Variants in ZNF653 observed in about 807,000 individuals in gnomAD.
ZNF653 encodes zinc finger protein 653.
ZNF653 carries 37 observed loss-of-function variants against 59.9 expected under a neutral mutation model. That is an observed-to-expected ratio of 0.62 (90% CI 0.48 to 0.81). The LOEUF is 0.81. Ranked by LOEUF, ZNF653 falls within the 40% of genes least tolerant of loss-of-function variation. ZNF653 has a pLI of 0.00. For synonymous variants in ZNF653, 435 were observed against 371.8 expected (o/e 1.17, Z -1.96); for missense variants, 808 against 881.1 (o/e 0.92, Z 1.05).
In ZNF653 at chr19:11,487,425, G is replaced by A. The variant is rs36103734; in HGVS notation, c.1038C>T (p.Pro346=). ...HLNMAAGSGV[P]GSGLGEEVPC... ...GCACCTCCTCGCCCAGTCCACTGCCGGGGACACCGCTGCCTGCTGCCATGT... is the reference window on the plus strand; with the variant it reads ...GCACCTCCTCGCCCAGTCCACTGCCAGGGACACCGCTGCCTGCTGCCATGT... The change falls in exon 4 of 9, where the codon CCC becomes CCT. Residue 346 remains proline (P), a synonymous_variant. Coordinates refer to ENST00000293771, the MANE Select transcript of ZNF653 (RefSeq NM_138783.4). This position sits in a 1 kb window ranked among gnomAD's most constrained non-coding sequence, Gnocchi z 5.1. 14,992 of 1,612,140 alleles carry A rather than the reference G, an allele frequency of 9.3e-3. 141 individuals are homozygous for A. The highest frequency in any genetic ancestry group is 0.046 in the African/African-American group (3,452 of 75,038).
intron 1 of ZNF653, among the ~76,000 whole-genome samples, chr19:11,503,101 C>T (rs1599569900): frequency 6.6e-6 from 1 of 152,058 alleles, no homozygotes; most frequent in Admixed American, 6.6e-5. Context: ...TTTCTCTGTA[C>T]AAAATCTTGC....
Position 11,487,119 on chromosome 19 carries a change from T to C in ZNF653, c.1211A>G (p.Glu404Gly), listed in dbSNP as rs758418170. 3 of 1,612,856 alleles carry C rather than the reference T, an allele frequency of 1.9e-6. No homozygotes were observed. The highest frequency in any genetic ancestry group is 2.5e-6 in the Non-Finnish European group (3 of 1,180,022). The change falls in exon 5 of 9, where the codon GAG becomes GGG. Residue 404 changes from glutamate to glycine, a missense_variant. Physicochemically the swap from Glu to Gly is moderately conservative, Grantham distance 98. Coordinates refer to ENST00000293771, the MANE Select transcript of ZNF653 (RefSeq NM_138783.4). This position sits in a 1 kb window ranked among gnomAD's most constrained non-coding sequence, Gnocchi z 5.1. ...TGCCAGCTCCGGGGCTACTGGCTCC[T>C]CCTTCTCCTCCTTCTTTAGCAAGCA... is the stretch of plus-strand genomic sequence containing the variant. The part of the protein sequence containing the change: ...DLCLLKKEEK[E>G]EPVAPELATT...
In ZNF653 at chr19:11,484,630, C is replaced by T. The variant is rs1006521411; in HGVS notation, c.1571-489G>A. On this transcript the variant is annotated intron_variant, in intron 7 of 8. Transcript: ENST00000293771. ...TTCTCTATGTTGGTCAGGCTGGTCT[C>T]GAACTCCTGACCTCAGGTGATCTGC... 1.1e-4 allele frequency among the ~76,000 whole-genome samples: 17 copies of T among 152,026 alleles called. 1 individual carries two copies. In the Middle Eastern group the frequency reaches 0.01, roughly 91 times the overall value.
At chr19:11,485,356 G>A (rs943756333) in intron 7 of ZNF653, among the ~76,000 whole-genome samples, 2 of 152,092 alleles carry the variant, frequency 1.3e-5, no homozygotes, top group Non-Finnish European at 2.9e-5. Flanking sequence ...GAGCAGTGGC[G>A]GTGTCAGCTG....
intron 6 of ZNF653, among the ~76,000 whole-genome samples, chr19:11,486,048 TCA>T (rs1456439927): frequency 6.6e-6 from 1 of 152,110 alleles, no homozygotes; most frequent in Admixed American, 6.6e-5. Context: ...CCCCCCGGGT[TCA>T]CACCATTCTC....
chr19:11,488,724 A>T (rs1487421375), intron 3 of ZNF653, among the ~76,000 whole-genome samples: 2 of 150,932 alleles, frequency 1.3e-5, no homozygotes, highest in Non-Finnish European at 2.9e-5. Context: ...CAGCCTCCCG[A>T]GTAGCTGGGA....
At chr19:11,504,161 G>A (rs939648900) in intron 1 of ZNF653, among the ~76,000 whole-genome samples, 2 of 152,150 alleles carry the variant, frequency 1.3e-5, no homozygotes, top group African/African-American at 4.8e-5. Context: ...CAGCACTTTG[G>A]GAGGCCGAGG....
At chr19:11,496,815 C>T (rs1971593675) in intron 2 of ZNF653, among the ~76,000 whole-genome samples, 1 of 152,152 alleles carries the variant, frequency 6.6e-6, no homozygotes, top group South Asian at 2.1e-4. Context: ...TGCAGTGAGC[C>T]AAGGTCGCAA....
chr19:11,504,682 C>T lies in ZNF653; in HGVS notation c.299+806G>A, dbSNP rs61743638. The T allele has an allele frequency of 6.1e-3, 3,110 of 509,574 alleles. 14 individuals are homozygous for T. The highest frequency in any genetic ancestry group is 0.011 in the Middle Eastern group (11 of 1,006). 31.6% of individuals were successfully genotyped at this position (509,574 alleles called of 1,614,324 possible). On this transcript the variant is annotated intron_variant, in intron 1 of 8. Transcript: ENST00000293771. ...CCAGGGCAGAACAAGGATTTCCTTG[C>T]GGCACTGCTTGTGATACGGAATAAA... is the stretch of plus-strand genomic sequence containing the variant.
Position 11,487,236 on chromosome 19 carries a change from C to T in ZNF653, c.1171+56G>A, listed in dbSNP as rs1315152717. ...CCCACTTCGAGGGCCATTCCTCGCCCGGCCCCTCCCAGGCCCAACCACCCC... is the reference window on the plus strand; with the variant it reads ...CCCACTTCGAGGGCCATTCCTCGCCTGGCCCCTCCCAGGCCCAACCACCCC... On this transcript the variant is annotated intron_variant, in intron 4 of 8. Transcript: ENST00000293771. The surrounding 1 kb of genome is among the most constrained non-coding windows in gnomAD (Gnocchi z 5.1). 8.1e-6 allele frequency: 13 copies of T among 1,598,294 alleles called. No homozygotes were observed. Among genetic ancestry groups the T allele is most frequent in the East Asian group, 4.5e-5 (2 of 44,698 alleles).
In ZNF653 at chr19:11,483,756, C is replaced by T; in HGVS notation, c.1774G>A (p.Gly592Arg). The T allele has an allele frequency of 1.2e-6, 2 of 1,613,642 alleles. No homozygotes were observed. Among genetic ancestry groups the T allele is most frequent in the South Asian group, 1.1e-5 (1 of 91,046 alleles). The change falls in exon 9 of 9, where the codon GGG becomes AGG. Residue 592 changes from glycine (G) to arginine (R), a missense_variant. Coordinates refer to ENST00000293771, the MANE Select transcript of ZNF653 (RefSeq NM_138783.4). Reference protein sequence around the residue: ...VQYNFTCDRCGKRFEKLDSVK... With the variant: ...VQYNFTCDRCRKRFEKLDSVK... ...CTGTCCAGCTTCTCGAAGCGCTTCC[C>T]GCAGCGATCGCACGTGAAGTTGTAC...
rs1490721516 is a variant in ZNF653 at position 11,505,823 on chromosome 19, G to C, written c.-37C>G. The C allele has an allele frequency of 3.0e-6, 4 of 1,326,216 alleles. No individual in the cohort carries two copies. The allele number at this position is 1,326,216 out of a possible 1,614,324, so 82.2% of individuals were successfully genotyped here. On this transcript the variant is annotated 5_prime_UTR_variant, in exon 1 of 9. Coordinates refer to ENST00000293771, the MANE Select transcript of ZNF653 (RefSeq NM_138783.4). ...TGGTTACCAGCCTCCCCCGTTGTTA[G>C]GAGCCAGACCGGAAGTGGCGCGCAT...
chr19:11,487,126 C>T lies in ZNF653; in HGVS notation c.1204G>A (p.Glu402Lys). The change falls in exon 5 of 9, where the codon GAG becomes AAG. Residue 402 changes from glutamate to lysine, a missense_variant. Coordinates refer to ENST00000293771, the MANE Select transcript of ZNF653 (RefSeq NM_138783.4). This position sits in a 1 kb window ranked among gnomAD's most constrained non-coding sequence, Gnocchi z 5.1. ...KEDLCLLKKE[E>K]KEEPVAPELA... ...TCCGGGGCTACTGGCTCCTCCTTCT[C>T]CTCCTTCTTTAGCAAGCACAGGTCC... 3.1e-6 allele frequency: 5 copies of T among 1,612,880 alleles called. No homozygotes were observed. The South Asian group carries it at 3.3e-5, about 11-fold the overall frequency.
rs760500544 is a variant in ZNF653 at position 11,483,694 on chromosome 19, G to C, written c.1836C>G (p.His612Gln). The C allele has an allele frequency of 6.2e-7, 1 of 1,612,870 alleles. No homozygotes were observed. The highest frequency in any genetic ancestry group is 8.5e-7 in the Non-Finnish European group (1 of 1,178,982). Residue 612 changes from histidine (H) to glutamine (Q), a missense_variant, in exon 9 of 9, where the codon CAC becomes CAG. His to Gln is a conservative substitution (Grantham distance 24, BLOSUM62 0). Coordinates refer to ENST00000293771, the MANE Select transcript of ZNF653 (RefSeq NM_138783.4). ...GTGGTCAGGTGGGTCAGGTGGGCTT[G>C]TGATCCGGGTGGCTTTTGAGCGTGT... ...KFHTLKSHPD[H>Q]KPT
At chr19:11,483,909 G>T in intron 8 of ZNF653, 50 bp from the exon 9 acceptor site, 1 of 1,516,570 alleles carries the variant, frequency 6.6e-7, no homozygotes, top group Non-Finnish European at 8.9e-7. Flanking sequence ...GGGCGGGGCG[G>T]GGCGGGGCCC....
intron 3 of ZNF653, among the ~76,000 whole-genome samples, chr19:11,494,418 C>T (rs1971563237): frequency 6.6e-6 from 1 of 150,920 alleles, no homozygotes; most frequent in African/African-American, 2.4e-5. Context: ...AGGCCGGGTG[C>T]AGTGGCTCAC....
At chr19:11,498,434 G>A in intron 1 of ZNF653, 95 bp from the exon 2 acceptor site, 3 of 1,521,544 alleles carry the variant, frequency 2.0e-6, no homozygotes, top group Non-Finnish European at 2.7e-6. Context: ...ACTGCTCATT[G>A]TACACTGAAA....
At chr19:11,505,334 G>T in intron 1 of ZNF653, 154 bp downstream of exon 1, 1 of 746,560 alleles carries the variant, frequency 1.3e-6, no homozygotes, top group Non-Finnish European at 2.0e-6. Context: ...GGCGCGTCCC[G>T]GCCAGGCAGT....
chr19:11,505,417 G>A (rs1161368300), intron 1 of ZNF653, 71 bp downstream of exon 1: 2 of 1,341,698 alleles, frequency 1.5e-6, no homozygotes, highest in African/African-American at 3.1e-5. Flanking sequence ...AGAAGCGGAG[G>A]GGGCGGGGTA....
Sources: allele counts gnomAD v4.1 joint callset (sites outside exome capture counted in the v4.1 genomes callset), GRCh38; gene constraint gnomAD v4.1.1; non-coding constraint Gnocchi (gnomAD v3.1); transcripts MANE v1.5; gene names NCBI Gene and HGNC (gene_info 2026-07-23, HGNC 2026-07-21).